SPMIP2: variants seen among roughly 807,000 people sequenced by gnomAD.
SPMIP2 encodes the protein sperm microtubule inner protein 2, also known as protein SPMIP2.
chr4:159,072,677 GGTCTCA>G, the SPMIP2 span, among the ~76,000 whole-genome samples: 1 of 151,874 alleles, frequency 6.6e-6, no homozygotes, highest in African/African-American at 2.4e-5. Context: ...TGCCTAGGCT[GGTCTCA>G]AACTCCTGGG....
the SPMIP2 span, among the ~76,000 whole-genome samples, chr4:159,018,859 G>A: frequency 1.3e-5 from 2 of 152,196 alleles, no homozygotes; most frequent in Non-Finnish European, 2.9e-5. Context: ...GGGAGGCTGT[G>A]GCAGGCGGAT....
At chr4:158,901,656 G>T in the SPMIP2 span, among the ~76,000 whole-genome samples, 1 of 151,848 alleles carries the variant, frequency 6.6e-6, no homozygotes, top group Non-Finnish European at 1.5e-5. Context: ...TTTTCACATA[G>T]TCTCATATTT....
the SPMIP2 span, among the ~76,000 whole-genome samples, chr4:159,035,825 T>G: frequency 6.6e-6 from 1 of 152,238 alleles, no homozygotes; most frequent in Non-Finnish European, 1.5e-5. Context: ...CAGGAGGATG[T>G]CTGCAGACAC....
chr4:159,013,659 G>A, the SPMIP2 span, among the ~76,000 whole-genome samples: 1 of 152,016 alleles, frequency 6.6e-6, no homozygotes, highest in Non-Finnish European at 1.5e-5. Flanking sequence ...CTTCTAAAGG[G>A]CTGGCCTCCA....
chr4:158,987,414 A>G, the SPMIP2 span, among the ~76,000 whole-genome samples: 2 of 152,182 alleles, frequency 1.3e-5, no homozygotes, highest in African/African-American at 2.4e-5. Flanking sequence ...TGGATTAAGA[A>G]TATGTGGCAC....
chr4:158,932,141 G>A, the SPMIP2 span, among the ~76,000 whole-genome samples: 6,609 of 152,034 alleles, frequency 0.043, 369 homozygotes, highest in African/African-American at 0.13. Flanking sequence ...TTTTCTTTGC[G>A]TAAATAAATA....
At chr4:159,007,530 G>T in the SPMIP2 span, 1 of 907,190 alleles carries the variant, frequency 1.1e-6, no homozygotes, top group South Asian at 1.3e-5. Context: ...GGATGATTTT[G>T]GGGTAGCAAT....
At chr4:158,996,061 T>C in the SPMIP2 span, among the ~76,000 whole-genome samples, 1 of 152,184 alleles carries the variant, frequency 6.6e-6, no homozygotes, top group Non-Finnish European at 1.5e-5. Flanking sequence ...ACGTCTCGTT[T>C]GCTTTGGAAC....
chr4:159,030,918 G>T, the SPMIP2 span, among the ~76,000 whole-genome samples: 7 of 151,694 alleles, frequency 4.6e-5, no homozygotes, highest in African/African-American at 1.2e-4. Context: ...CCTCTACATG[G>T]TTTTTTTTAC....
chr4:158,967,858 G>C, the SPMIP2 span, among the ~76,000 whole-genome samples: 1 of 152,190 alleles, frequency 6.6e-6, no homozygotes, highest in Non-Finnish European at 1.5e-5. Context: ...TAGAGTTAGT[G>C]CAAGGAAAGA....
chr4:159,034,597 T>A, the SPMIP2 span, among the ~76,000 whole-genome samples: 2 of 152,140 alleles, frequency 1.3e-5, no homozygotes, highest in Non-Finnish European at 2.9e-5. Flanking sequence ...TCATGTAAAT[T>A]AAATGTAGGT....
chr4:158,913,792 C>T, the SPMIP2 span, among the ~76,000 whole-genome samples: 1 of 151,160 alleles, frequency 6.6e-6, no homozygotes, highest in Non-Finnish European at 1.5e-5. Flanking sequence ...ATGGTTGTGC[C>T]CATGAATAGC....
At chr4:158,969,465 A>T in the SPMIP2 span, among the ~76,000 whole-genome samples, 1 of 152,156 alleles carries the variant, frequency 6.6e-6, no homozygotes, top group Non-Finnish European at 1.5e-5. Flanking sequence ...TTATACATAC[A>T]TTTATTATTA....
the SPMIP2 span, among the ~76,000 whole-genome samples, chr4:158,900,721 G>T: frequency 1.3e-5 from 2 of 152,108 alleles, no homozygotes; most frequent in Non-Finnish European, 2.9e-5. Context: ...TTGAGTCTGT[G>T]TATGTGTTTG....
the SPMIP2 span, among the ~76,000 whole-genome samples, chr4:159,049,866 A>G: frequency 6.6e-6 from 1 of 152,236 alleles, no homozygotes; most frequent in African/African-American, 2.4e-5. Flanking sequence ...GCTCAAATAT[A>G]TACTGCATTA....
At chr4:158,978,046 G>A in the SPMIP2 span, among the ~76,000 whole-genome samples, 1 of 152,206 alleles carries the variant, frequency 6.6e-6, no homozygotes, top group African/African-American at 2.4e-5. Context: ...ACTTTCTCCT[G>A]TGGGCATTTA....
chr4:158,912,576 C>A, the SPMIP2 span, among the ~76,000 whole-genome samples: 1 of 152,172 alleles, frequency 6.6e-6, no homozygotes, highest in Non-Finnish European at 1.5e-5. Context: ...TCACTGGGGG[C>A]TATGTGTGAG....
the SPMIP2 span, among the ~76,000 whole-genome samples, chr4:158,927,694 G>A: frequency 6.6e-6 from 1 of 152,258 alleles, no homozygotes; most frequent in Non-Finnish European, 1.5e-5. Flanking sequence ...TTGCAGGGAG[G>A]TGTGGAGGGA....
At chr4:158,930,805 C>G in the SPMIP2 span, among the ~76,000 whole-genome samples, 1 of 152,154 alleles carries the variant, frequency 6.6e-6, no homozygotes, top group Non-Finnish European at 1.5e-5. Flanking sequence ...CTGTGCCCAG[C>G]CTTTACTAAG....
Sources: allele counts gnomAD v4.1 joint callset (sites outside exome capture counted in the v4.1 genomes callset), GRCh38; gene constraint gnomAD v4.1.1; transcripts MANE v1.5; gene names NCBI Gene and HGNC (gene_info 2026-07-23, HGNC 2026-07-21).